LRRIQ4: variants seen among roughly 807,000 people sequenced by gnomAD.
LRRIQ4 encodes the protein leucine rich repeats and IQ motif containing 4.
A neutral mutation model predicts 40.1 loss-of-function variants in LRRIQ4; 21 were observed. The ratio of observed to expected loss-of-function variants is 0.52; its 90% CI spans 0.37 to 0.75. The LOEUF is 0.75. Among genes scored for constraint, LRRIQ4 ranks in the 30% least tolerant of loss-of-function variants. LRRIQ4 has a pLI of 0.00. For missense variants in LRRIQ4, 655 were observed against 660.0 expected, an observed-to-expected ratio of 0.99 and a Z score of 0.08; for synonymous variants, 277 against 277.1, an observed-to-expected ratio of 1.00 and a Z score of 0.00.
intron 2 of LRRIQ4, among the ~76,000 whole-genome samples, chr3:169,825,069 G>A (rs1403556801): frequency 6.8e-6 from 1 of 148,122 alleles, no homozygotes; most frequent in Non-Finnish European, 1.5e-5. Context: ...GTACAATGGC[G>A]CCATCTCAGC....
intron 4 of LRRIQ4, among the ~76,000 whole-genome samples, chr3:169,831,630 A>C (rs13321310): frequency 0.093 from 13,980 of 149,880 alleles, 1,064 homozygotes; most frequent in African/African-American, 0.21. Flanking sequence ...TAATGAAAAA[A>C]GAATGGAGAG....
chr3:169,822,485 C>T lies in LRRIQ4; in HGVS notation c.564C>T (p.Tyr188=). The change falls in exon 2 of 6, where the codon TAC becomes TAT. Residue 188 remains tyrosine (Y), a synonymous_variant. Transcript: ENST00000340806. The part of the protein sequence containing the change: ...EVFPQELCVL[Y]TLEIIDLDEN... ...TCCCCCAGGAGCTCTGTGTTCTCTA[C>T]ACCCTGGAAATCATTGACCTGGACG... 1 of 1,614,040 alleles carries T rather than the reference C, an allele frequency of 6.2e-7. No homozygotes were observed. Among genetic ancestry groups the T allele is most frequent in the Non-Finnish European group, 8.5e-7 (1 of 1,179,894 alleles).
At chr3:169,814,104 G>A (rs1779704520) in intron 1 of LRRIQ4, among the ~76,000 whole-genome samples, 1 of 152,148 alleles carries the variant, frequency 6.6e-6, no homozygotes, top group Non-Finnish European at 1.5e-5. Context: ...TCTGTTTCCT[G>A]GGGTTCTGGC....
intron 2 of LRRIQ4, among the ~76,000 whole-genome samples, chr3:169,827,364 TTGGGAGGCC>T (rs1167802795): frequency 6.6e-6 from 1 of 152,070 alleles, no homozygotes; most frequent in Non-Finnish European, 1.5e-5. Flanking sequence ...TCTCAGCACT[TTGGGAGGCC>T]TAGGCGGGCG....
intron 5 of LRRIQ4, among the ~76,000 whole-genome samples, chr3:169,833,469 T>C (rs1361961874): frequency 6.6e-6 from 1 of 152,218 alleles, no homozygotes; most frequent in Non-Finnish European, 1.5e-5. Context: ...ATTCGTGGAC[T>C]ATTTCATTGG....
At position 169,822,904 on chromosome 3, in the gene LRRIQ4, T is replaced by C. The variant is rs773403087; in HGVS notation, c.983T>C (p.Leu328Pro). Reference protein sequence around the residue: ...CPLQICALKNLEVLGLDDNKI... With the variant: ...CPLQICALKNPEVLGLDDNKI... ...CTGCAGATCTGTGCACTGAAGAACCTTGAAGTCCTGGGACTGGATGACAAT... is the reference window on the plus strand; with the variant it reads ...CTGCAGATCTGTGCACTGAAGAACCCTGAAGTCCTGGGACTGGATGACAAT... The change falls in exon 2 of 6, where the codon CTT becomes CCT. Residue 328 changes from leucine (L) to proline (P), a missense_variant. Coordinates refer to ENST00000340806, the MANE Select transcript of LRRIQ4 (RefSeq NM_001080460.3). The C allele has an allele frequency of 1.9e-6, 3 of 1,561,056 alleles. No individual in the cohort carries two copies. The highest frequency in any genetic ancestry group is 2.4e-5 in the South Asian group (2 of 81,760).
intron 1 of LRRIQ4, among the ~76,000 whole-genome samples, chr3:169,816,610 T>G (rs1181695772): frequency 2.0e-5 from 3 of 152,052 alleles, no homozygotes; most frequent in African/African-American, 7.2e-5. Context: ...TTAATTTTTT[T>G]GCATTGTTCT....
At position 169,822,873 on chromosome 3, in the gene LRRIQ4, T is replaced by C. The variant is rs1337813949; in HGVS notation, c.952T>C (p.Cys318Arg). ...CCTAAGCCAGAACCATCTGCACCAC[T>C]GCCCGCTGCAGATCTGTGCACTGAA... ...LDLSQNHLHH[C>R]PLQICALKNL... The change falls in exon 2 of 6, where the codon TGC becomes CGC. Residue 318 changes from cysteine (C) to arginine (R), a missense_variant. Coordinates refer to ENST00000340806, the MANE Select transcript of LRRIQ4 (RefSeq NM_001080460.3). 1 of 1,606,786 alleles carries C rather than the reference T, an allele frequency of 6.2e-7. No individual in the cohort carries two copies. The highest frequency in any genetic ancestry group is 2.2e-5 in the East Asian group (1 of 44,868).
At chr3:169,828,237 A>AT (rs776444973) in intron 2 of LRRIQ4, among the ~76,000 whole-genome samples, 3,509 of 146,290 alleles carry the variant, frequency 0.024, 38 homozygotes, top group Middle Eastern at 0.061. Context: ...AATTGCTCCA[A>AT]TTTTTTTTTT....
chr3:169,820,249 CTGTGTGTGTGTGTGTG>C (rs55800037), intron 1 of LRRIQ4, among the ~76,000 whole-genome samples: 31 of 143,772 alleles, frequency 2.2e-4, no homozygotes, highest in Non-Finnish European at 2.9e-4. Flanking sequence ...CCCATAGACT[CTGTGTGTGTGTGTGTG>C]TGTGTGTGTG....
rs1411146362 is a variant in LRRIQ4, at chr3:169,822,514, A to G, written c.593A>G (p.Asn198Ser). 1.2e-6 allele frequency: 2 copies of G among 1,613,984 alleles called. No homozygotes were observed. The highest frequency in any genetic ancestry group is 8.5e-7 in the Non-Finnish European group (1 of 1,179,878). The stretch of plus-strand genomic sequence containing the variant: ...CTGGAAATCATTGACCTGGACGAGA[A>G]CAAAATAGGTGCCATCCCAGAAGAG... ...YTLEIIDLDE[N>S]KIGAIPEEIG... Residue 198 changes from asparagine (N) to serine (S), a missense_variant, in exon 2 of 6, where the codon AAC becomes AGC. By Grantham distance (46) the Asn-to-Ser change is conservative. Coordinates refer to ENST00000340806, the MANE Select transcript of LRRIQ4 (RefSeq NM_001080460.3).
intron 2 of LRRIQ4, among the ~76,000 whole-genome samples, chr3:169,827,343 C>T (rs1403316243): frequency 6.6e-6 from 1 of 152,052 alleles, no homozygotes; most frequent in Non-Finnish European, 1.5e-5. Context: ...TGCGGTGGCT[C>T]ATGCCTGTAA....
At position 169,836,159 on chromosome 3, in the gene LRRIQ4, T is replaced by C. The variant is rs546052243; in HGVS notation, c.1531-1320T>C. 1.5e-4 allele frequency among the ~76,000 whole-genome samples: 23 copies of C among 151,320 alleles called. No homozygotes were observed. In the East Asian group the frequency reaches 4.3e-3, roughly 28 times the overall value. On this transcript the variant is annotated intron_variant, in intron 5 of 5. Transcript: ENST00000340806. ...ATGAAATAGAAAACATAAAATGAAA[T>C]ACTATGTTAGAGAGTGCTACTGTTT... is the stretch of plus-strand genomic sequence containing the variant.
At chr3:169,830,344 C>T in intron 3 of LRRIQ4, 148 bp from the exon 4 acceptor site, 1 of 524,288 alleles carries the variant, frequency 1.9e-6, no homozygotes, top group South Asian at 3.5e-5. Flanking sequence ...TGCTTTTTCC[C>T]TTAACTCAAT....
chr3:169,831,086 G>C (rs1780161213), intron 4 of LRRIQ4, among the ~76,000 whole-genome samples: 1 of 151,888 alleles, frequency 6.6e-6, no homozygotes, highest in Admixed American at 6.6e-5. Flanking sequence ...AACTATATAT[G>C]ATTCCTACTT....
chr3:169,819,156 G>A (rs1779822447), intron 1 of LRRIQ4, among the ~76,000 whole-genome samples: 1 of 152,142 alleles, frequency 6.6e-6, no homozygotes, highest in Admixed American at 6.6e-5. Context: ...AATCCCTAGA[G>A]AAAAAATGGC....
chr3:169,823,633 A>G (rs1306642843), intron 2 of LRRIQ4, among the ~76,000 whole-genome samples: 1 of 152,136 alleles, frequency 6.6e-6, no homozygotes, highest in Non-Finnish European at 1.5e-5. Flanking sequence ...AGCGTGAGCC[A>G]CCGCGCACGG....
Position 169,830,356 on chromosome 3 carries a change from C to T in LRRIQ4, c.1195-136C>T, listed in dbSNP as rs142480289. On this transcript the variant is annotated intron_variant, in intron 3 of 5. Transcript: ENST00000340806. ...ACATGCTTTTTCCCTTAACTCAATG[C>T]GTAATTTCCCCACTGAAAGTGAAAA... 8.6e-5 allele frequency: 46 copies of T among 537,222 alleles called. 1 individual carries two copies. The highest frequency in any genetic ancestry group is 4.9e-4 in the Admixed American group (9 of 18,290). The allele number at this position is 537,222 out of a possible 1,614,324, so 33.3% of individuals were successfully genotyped here.
chr3:169,822,674 G>A lies in LRRIQ4; in HGVS notation c.753G>A (p.Lys251=), dbSNP rs1560611168. The A allele has an allele frequency of 6.2e-7, 1 of 1,613,970 alleles. No individual in the cohort carries two copies. The highest frequency in any genetic ancestry group is 8.5e-7 in the Non-Finnish European group (1 of 1,179,916). The stretch of plus-strand genomic sequence containing the variant: ...ACAACCTCCTCCACTCCATCCCGAA[G>A]AGCTTCGCCGAGCTCAGGAAGATGA... ...LSHNLLHSIP[K]SFAELRKMTE... The change falls in exon 2 of 6, where the codon AAG becomes AAA. Residue 251 remains lysine, a synonymous_variant. Transcript: ENST00000340806.
Sources: gnomAD v4.1 joint callset for allele counts (sites outside exome capture counted in the v4.1 genomes callset) on GRCh38, gnomAD v4.1.1 for gene constraint, MANE v1.5 for transcripts, NCBI Gene and HGNC (gene_info 2026-07-23, HGNC 2026-07-21) for gene names.